Variants in UBE2E2 observed in about 807,000 individuals in gnomAD.
The protein encoded by UBE2E2 is ubiquitin-conjugating enzyme E2 E2.
A neutral mutation model predicts 24.7 loss-of-function variants in UBE2E2; 6 were observed. The observed-to-expected ratio is 0.24, with a 90% CI of 0.13 to 0.48. UBE2E2 has a LOEUF of 0.48. Ranked by LOEUF, UBE2E2 falls within the 20% of genes least tolerant of loss-of-function variation. The pLI is 0.99. For missense variants in UBE2E2, 169 were observed against 245.0 expected (o/e 0.69, Z 2.07); for synonymous variants, 104 against 83.6 (o/e 1.24, Z -1.33).
chr3:23,246,765 C>T (rs1329380953), intron 3 of UBE2E2, among the ~76,000 whole-genome samples: 1 of 152,106 alleles, frequency 6.6e-6, no homozygotes. Flanking sequence ...ATTGAAAAAC[C>T]ACAGTGGAAT....
At chr3:23,251,881 A>G (rs889221609) in intron 3 of UBE2E2, among the ~76,000 whole-genome samples, 1 of 152,230 alleles carries the variant, frequency 6.6e-6, no homozygotes, top group Non-Finnish European at 1.5e-5. Flanking sequence ...ATGCTATACC[A>G]TTAGAGGAAA....
chr3:23,377,958 CTA>C (rs1244786044), intron 3 of UBE2E2, among the ~76,000 whole-genome samples: 3 of 151,954 alleles, frequency 2.0e-5, no homozygotes, highest in Non-Finnish European at 4.4e-5. Context: ...TTATATAACT[CTA>C]TAGGTAATGT....
At chr3:23,437,941 C>T (rs1698219056) in intron 3 of UBE2E2, among the ~76,000 whole-genome samples, 1 of 152,124 alleles carries the variant, frequency 6.6e-6, no homozygotes, top group African/African-American at 2.4e-5. Flanking sequence ...GCAGTAAATG[C>T]AGTATGAGCA....
rs138214786 is a variant in UBE2E2 at position 23,389,326 on chromosome 3, A to G, written c.228-110282A>G. 6.4e-4 allele frequency among the ~76,000 whole-genome samples: 98 copies of G among 152,256 alleles called. 5 individuals are homozygous for G. The East Asian group carries it at 0.015, about 24-fold the overall frequency. On this transcript the variant is annotated intron_variant, in intron 3 of 5. Coordinates refer to ENST00000396703, the MANE Select transcript of UBE2E2 (RefSeq NM_152653.4). The stretch of plus-strand genomic sequence containing the variant: ...TCCTTATTGTCATGGATCTCTTTTC[A>G]TGGTGCATCCCCATTCCTACATTTA...
chr3:23,575,213 G>A (rs1696321498), intron 5 of UBE2E2, among the ~76,000 whole-genome samples: 1 of 152,118 alleles, frequency 6.6e-6, no homozygotes, highest in South Asian at 2.1e-4. Context: ...TTAGTCCCAA[G>A]TTACATTCAG....
intron 3 of UBE2E2, among the ~76,000 whole-genome samples, chr3:23,498,193 T>A (rs552678261): frequency 6.6e-6 from 1 of 152,296 alleles, no homozygotes; most frequent in South Asian, 2.1e-4. Flanking sequence ...ATGATCCAAA[T>A]ATCTTTTCTG....
intron 2 of UBE2E2, among the ~76,000 whole-genome samples, chr3:23,213,798 C>T (rs1217622836): frequency 2.0e-5 from 3 of 152,110 alleles, no homozygotes; most frequent in East Asian, 3.8e-4. Flanking sequence ...AAAACAGATA[C>T]TTAGAGAATT....
At chr3:23,339,389 G>A (rs9873317) in intron 3 of UBE2E2, among the ~76,000 whole-genome samples, 53,943 of 151,854 alleles carry the variant, frequency 0.36, 10,810 homozygotes, top group Admixed American at 0.52. Flanking sequence ...TTTGAATAAG[G>A]TTTATAGATC....
chr3:23,416,757 C>CT (rs1357991057), intron 3 of UBE2E2, among the ~76,000 whole-genome samples: 1 of 152,088 alleles, frequency 6.6e-6, no homozygotes, highest in Non-Finnish European at 1.5e-5. Context: ...CCTTTTTATT[C>CT]TTTTTTCTCT....
intron 3 of UBE2E2, among the ~76,000 whole-genome samples, chr3:23,397,730 G>C (rs1488704137): frequency 2.6e-5 from 4 of 152,144 alleles, no homozygotes; most frequent in African/African-American, 7.2e-5. Flanking sequence ...CTTTGAAGTA[G>C]TATTCCATTT....
At chr3:23,445,918 T>C (rs1419028460) in intron 3 of UBE2E2, among the ~76,000 whole-genome samples, 4 of 152,158 alleles carry the variant, frequency 2.6e-5, no homozygotes, top group Non-Finnish European at 5.9e-5. Context: ...GGATCAGCAT[T>C]GTGACTTCTC....
intron 3 of UBE2E2, among the ~76,000 whole-genome samples, chr3:23,339,968 G>C (rs1695335853): frequency 6.6e-6 from 1 of 152,080 alleles, no homozygotes; most frequent in South Asian, 2.1e-4. Context: ...AGGATGAAAA[G>C]AGGGAAAACA....
intron 5 of UBE2E2, among the ~76,000 whole-genome samples, chr3:23,568,473 A>G (rs1403753958): frequency 2.6e-5 from 4 of 151,726 alleles, no homozygotes; most frequent in East Asian, 1.9e-4. Context: ...AGAAGAGACA[A>G]TCAGGATAAT....
chr3:23,455,338 A>G (rs1335494365), intron 3 of UBE2E2, among the ~76,000 whole-genome samples: 1 of 152,198 alleles, frequency 6.6e-6, no homozygotes, highest in East Asian at 1.9e-4. Flanking sequence ...CAGTGCATCC[A>G]AAAATTATGT....
intron 5 of UBE2E2, among the ~76,000 whole-genome samples, chr3:23,587,112 AT>A (rs1696643949): frequency 6.6e-6 from 1 of 152,110 alleles, no homozygotes; most frequent in African/African-American, 2.4e-5. Context: ...TGGAAAAAAA[AT>A]TTTTTAATCA....
chr3:23,277,652 T>C (rs1398898440), intron 3 of UBE2E2, among the ~76,000 whole-genome samples: 1 of 152,118 alleles, frequency 6.6e-6, no homozygotes, highest in Non-Finnish European at 1.5e-5. Context: ...TAAATTAATT[T>C]TAATTCTTCC....
intron 3 of UBE2E2, among the ~76,000 whole-genome samples, chr3:23,443,830 T>C (rs146559762): frequency 3.9e-5 from 6 of 152,294 alleles, no homozygotes; most frequent in African/African-American, 1.4e-4. Context: ...CATACTACGA[T>C]ATGAGGCCTC....
chr3:23,328,584 T>G (rs1694971742), intron 3 of UBE2E2, among the ~76,000 whole-genome samples: 1 of 152,198 alleles, frequency 6.6e-6, no homozygotes, highest in Admixed American at 6.5e-5. Context: ...TATGATGGCT[T>G]TATTGGGATG....
intron 3 of UBE2E2, among the ~76,000 whole-genome samples, chr3:23,433,879 A>C (rs894650638): frequency 5.3e-5 from 8 of 152,070 alleles, no homozygotes; most frequent in African/African-American, 1.7e-4. Context: ...GTAGACTAAG[A>C]ATGGTAAATT....
Sources: allele counts gnomAD v4.1 joint callset (sites outside exome capture counted in the v4.1 genomes callset), GRCh38; gene constraint gnomAD v4.1.1; transcripts MANE v1.5; gene names NCBI Gene and HGNC (gene_info 2026-07-23, HGNC 2026-07-21).